The following L3HYPDH variants were observed in gnomAD, a reference collection of about 807,000 sequenced individuals.
L3HYPDH encodes the protein trans-3-hydroxy-L-proline dehydratase.
A neutral mutation model predicts 26.5 loss-of-function variants in L3HYPDH; 32 were observed. That is an observed-to-expected ratio of 1.21 (90% CI 0.91 to 1.62). The LOEUF (loss-of-function observed/expected upper bound fraction) is 1.62, where lower values mean the gene tolerates loss of function less well. Ranked by LOEUF, L3HYPDH falls within the 40% of genes most tolerant of loss-of-function variation. L3HYPDH has a pLI of 0.00. For synonymous variants in L3HYPDH, 215 were observed against 196.6 expected (o/e 1.09, Z -0.78); for missense variants, 554 against 476.4 (o/e 1.16, Z -1.52).
chr14:59,490,107 A>G, the L3HYPDH span, among the ~76,000 whole-genome samples: 1 of 151,938 alleles, frequency 6.6e-6, no homozygotes, highest in East Asian at 1.9e-4. Context: ...TATTTTGTAG[A>G]GACAGGGTCT....
At chr14:59,486,494 C>T (rs1373059960), upstream of L3HYPDH, among the ~76,000 whole-genome samples, 7 of 152,208 alleles carry the variant, frequency 4.6e-5, no homozygotes, top group Admixed American at 3.9e-4. Flanking sequence ...GGACCTTAAT[C>T]ATAAGGCACG....
upstream of L3HYPDH, chr14:59,484,414 G>T: frequency 7.1e-7 from 1 of 1,401,248 alleles, no homozygotes; most frequent in South Asian, 1.3e-5. Context: ...ACGCTAACCA[G>T]CCACGTCCGG....
chr14:59,488,371 T>G (rs1890741859), upstream of L3HYPDH, among the ~76,000 whole-genome samples: 1 of 152,118 alleles, frequency 6.6e-6, no homozygotes, highest in South Asian at 2.1e-4. Context: ...TAAATCAGTC[T>G]TAGAAATGTA....
chr14:59,503,063 T>G, the L3HYPDH span, among the ~76,000 whole-genome samples: 1 of 152,040 alleles, frequency 6.6e-6, no homozygotes, highest in African/African-American at 2.4e-5. Context: ...TTTTTACAGC[T>G]TATCCATAGT....
In L3HYPDH at chr14:59,479,227, G is replaced by C. The variant is rs766819807; in HGVS notation, c.633C>G (p.Asp211Glu). Residue 211 changes from aspartate (D) to glutamate (E), a missense_variant, in exon 2 of 5, where the codon GAC (aspartate) becomes GAG (glutamate). Asp to Glu is a conservative substitution (Grantham distance 45). Transcript: ENST00000247194. ...GLDICSAKTR[D>E]LVDAASAVTE... is the part of the protein sequence containing the mutation. ...TCACTGCACTCGCTGCATCCACAAG[G>C]TCCCTGGTCTTTGCAGAACAAATGT... 2.5e-6 allele frequency: 4 copies of C among 1,612,716 alleles called. No homozygotes were observed. Among genetic ancestry groups the C allele is most frequent in the Non-Finnish European group, 3.4e-6 (4 of 1,179,770 alleles).
At chr14:59,486,892 C>T, upstream of L3HYPDH, 1 of 930,462 alleles carries the variant, frequency 1.1e-6, no homozygotes, top group Non-Finnish European at 1.7e-6. Context: ...TGTTATTATA[C>T]TCATTAATTT....
chr14:59,499,040 T>TTTTC, the L3HYPDH span: 1 of 453,818 alleles, frequency 2.2e-6, no homozygotes, highest in East Asian at 3.7e-5. Context: ...TTTTTTTTTT[T>TTTTC]TTGTGATGGA....
chr14:59,476,181 C>T lies in L3HYPDH; in HGVS notation c.712G>A (p.Ala238Thr). The change falls in exon 3 of 5, where the codon GCC (alanine) becomes ACC (threonine). Residue 238 changes from alanine (A) to threonine (T), a missense_variant. Physicochemically the swap from Ala to Thr is moderately conservative, Grantham distance 58. Coordinates refer to ENST00000247194, the MANE Select transcript of L3HYPDH (RefSeq NM_144581.2). ...KINHPDSEDL[A>T]FLYGTILTDG... is the part of the protein sequence containing the mutation. ...GTTAATATAGTTCCATATAAAAAGG[C>T]AAGGTCTTCACTATCAGGATGATTA... 6.2e-7 allele frequency: 1 copy of T among 1,609,000 alleles called. No homozygotes were observed. Among genetic ancestry groups the T allele is most frequent in the Non-Finnish European group, 8.5e-7 (1 of 1,175,852 alleles).
chr14:59,486,740 G>T, upstream of L3HYPDH: 1 of 1,594,524 alleles, frequency 6.3e-7, no homozygotes, highest in Non-Finnish European at 8.6e-7. Flanking sequence ...GCATGCCTTG[G>T]ACTTTATTGT....
the L3HYPDH span, chr14:59,501,349 A>G: frequency 3.6e-6 from 3 of 825,208 alleles, no homozygotes; most frequent in Non-Finnish European, 5.8e-6. Flanking sequence ...ATGATATGAT[A>G]TAGTACAACT....
At chr14:59,477,956 C>T (rs893162748) in intron 2 of L3HYPDH, among the ~76,000 whole-genome samples, 6 of 152,080 alleles carry the variant, frequency 3.9e-5, no homozygotes, top group Non-Finnish European at 8.8e-5. Context: ...TTCACTCGTG[C>T]TAGAAGTGAA....
At chr14:59,485,057 G>T (rs1169365785), upstream of L3HYPDH, 1 of 1,598,352 alleles carries the variant, frequency 6.3e-7, no homozygotes, top group Admixed American at 1.7e-5. Context: ...TTTAGCCATC[G>T]TTCGCTAAAG....
At chr14:59,504,513 G>A in the L3HYPDH span, 3 of 154,146 alleles carry the variant, frequency 1.9e-5, no homozygotes, top group Admixed American at 1.9e-4. Context: ...CATACTTGTG[G>A]GGTCTGATAG....
rs1160871507 is a variant in L3HYPDH, at chr14:59,483,989, C to A, written c.328G>T (p.Ala110Ser). 1.3e-6 allele frequency: 2 copies of A among 1,589,132 alleles called. No individual in the cohort carries two copies. Among genetic ancestry groups the A allele is most frequent in the Non-Finnish European group, 8.5e-7 (1 of 1,172,922 alleles). ...AAGTCCAAAGCGAAGCGGCCCAGCG[C>A]CAGCACTGCGTGGCCGCACATGGAG... Reference protein sequence around the residue: ...YSSMCGHAVLALGRFALDFGL... With the variant: ...YSSMCGHAVLSLGRFALDFGL... The change falls in exon 1 of 5, where the codon GCG becomes TCG. Residue 110 changes from alanine (A) to serine (S), a missense_variant. Physicochemically the swap from Ala to Ser is moderately conservative, Grantham distance 99. Transcript: ENST00000247194.
the L3HYPDH span, chr14:59,503,861 A>G: frequency 8.1e-6 from 13 of 1,606,406 alleles, 1 homozygote; most frequent in South Asian, 8.8e-5. Context: ...TAGAACTGCT[A>G]TGATCTTCTG....
At chr14:59,489,447 A>G in the L3HYPDH span, among the ~76,000 whole-genome samples, 1 of 152,220 alleles carries the variant, frequency 6.6e-6, no homozygotes, top group Non-Finnish European at 1.5e-5. Flanking sequence ...ATTCCATGTG[A>G]GACCTCATCA....
chr14:59,473,057 C>A lies in L3HYPDH; in HGVS notation c.973G>T (p.Val325Leu), dbSNP rs756852521. The A allele has an allele frequency of 1.2e-6, 2 of 1,603,372 alleles. No homozygotes were observed. Among genetic ancestry groups the A allele is most frequent in the Non-Finnish European group, 1.7e-6 (2 of 1,176,324 alleles). ...TAATGGGCTTGTCCTGATACTTCCA[C>A]TATAACAGCTTTAAAATCACCACAT... ...AKCGDFKAVI[V>L]EVSGQAHYTG... Residue 325 changes from valine (V) to leucine (L), a missense_variant, in exon 5 of 5, where the codon GTG becomes TTG. By Grantham distance (32) the Val-to-Leu change is conservative (BLOSUM62 1). Coordinates refer to ENST00000247194, the MANE Select transcript of L3HYPDH (RefSeq NM_144581.2).
chr14:59,478,656 T>G (rs990243733), intron 2 of L3HYPDH: 1 of 152,376 alleles, frequency 6.6e-6, no homozygotes, highest in Non-Finnish European at 1.5e-5. Flanking sequence ...TTTACATGTA[T>G]TGACTTATTT....
the L3HYPDH span, among the ~76,000 whole-genome samples, chr14:59,496,828 T>G: frequency 6.6e-6 from 1 of 152,226 alleles, no homozygotes. Context: ...CTGCCTTGTT[T>G]TATTATTATA....
Sources: allele counts gnomAD v4.1 joint callset (sites outside exome capture counted in the v4.1 genomes callset), GRCh38; gene constraint gnomAD v4.1.1; transcripts MANE v1.5; gene names NCBI Gene and HGNC (gene_info 2026-07-23, HGNC 2026-07-21).